Variants in PDE4D observed in about 807,000 individuals in gnomAD.
PDE4D encodes 3',5'-cyclic-AMP phosphodiesterase 4D.
In PDE4D, 24 loss-of-function variants were observed where a neutral mutation model predicts 87.4. That is an observed-to-expected ratio of 0.27 (90% CI 0.20 to 0.39). PDE4D has a LOEUF of 0.39. Among genes scored for constraint, PDE4D ranks in the 10% least tolerant of loss-of-function variants. The pLI is 1.00. For missense variants in PDE4D, 714 were observed against 1,041.0 expected, an observed-to-expected ratio of 0.69 and a Z score of 4.32; for synonymous variants, 384 against 383.2, an observed-to-expected ratio of 1.00 and a Z score of -0.02.
chr5:59,570,028 T>C (rs140525449), intron 1 of PDE4D, among the ~76,000 whole-genome samples: 1 of 152,244 alleles, frequency 6.6e-6, no homozygotes, highest in Non-Finnish European at 1.5e-5. Flanking sequence ...TATCTGTGAT[T>C]ACCGTGAATG....
intron 1 of PDE4D, among the ~76,000 whole-genome samples, chr5:59,698,618 TTATTTA>T (rs1224964859): frequency 2.6e-5 from 4 of 152,144 alleles, no homozygotes; most frequent in Non-Finnish European, 4.4e-5. Flanking sequence ...TTTTTTCTAT[TTATTTA>T]TTTATTTGAG....
intron 2 of PDE4D, among the ~76,000 whole-genome samples, chr5:60,110,302 A>G (rs1418109880): frequency 2.0e-5 from 3 of 152,140 alleles, no homozygotes; most frequent in Non-Finnish European, 2.9e-5. Flanking sequence ...CAGAATATAC[A>G]AGGAACTCAA....
intron 5 of PDE4D, among the ~76,000 whole-genome samples, chr5:59,080,555 A>G (rs555133001): frequency 6.6e-6 from 1 of 152,238 alleles, no homozygotes; most frequent in Non-Finnish European, 1.5e-5. Flanking sequence ...GCCACTCGCT[A>G]CTCAAAAACT....
At position 60,109,700 on chromosome 5, in the gene PDE4D, C is replaced by T. The variant is rs146259580; in HGVS notation, c.42+75857G>A. On this transcript the variant is annotated intron_variant, in intron 2 of 16. Transcript: ENST00000502484. ...GCAGACATAAAAAATGATGAGTTCA[C>T]GTCCTTTGTAGGGACAAGGATGAAA... 1.1e-3 allele frequency among the ~76,000 whole-genome samples: 164 copies of T among 152,150 alleles called. 1 individual carries two copies. The East Asian group carries it at 0.018, about 17-fold the overall frequency.
chr5:59,328,874 ACTTTCTGG>A (rs1776197513), intron 1 of PDE4D, among the ~76,000 whole-genome samples: 1 of 152,196 alleles, frequency 6.6e-6, no homozygotes, highest in Non-Finnish European at 1.5e-5. Flanking sequence ...TTTGCCAAAT[ACTTTCTGG>A]CAGCTCATAA....
At chr5:59,628,859 T>C (rs561241004) in intron 1 of PDE4D, among the ~76,000 whole-genome samples, 9 of 152,270 alleles carry the variant, frequency 5.9e-5, no homozygotes, top group Admixed American at 4.6e-4. Context: ...TGATTTATAA[T>C]GGAAAGAGGT....
chr5:60,509,051 C>A (rs963377491), intron 1 of PDE4D, among the ~76,000 whole-genome samples: 2 of 152,088 alleles, frequency 1.3e-5, no homozygotes, highest in Non-Finnish European at 2.9e-5. Context: ...AGGTGCACAC[C>A]ACCAGGCCCA....
intron 1 of PDE4D, among the ~76,000 whole-genome samples, chr5:60,350,378 C>G (rs558000833): frequency 6.6e-6 from 1 of 152,258 alleles, no homozygotes; most frequent in African/African-American, 2.4e-5. Flanking sequence ...TACATCCTTT[C>G]TCATCTCTCC....
intron 1 of PDE4D, among the ~76,000 whole-genome samples, chr5:60,236,339 A>G (rs1419713537): frequency 6.6e-6 from 1 of 151,972 alleles, no homozygotes; most frequent in Non-Finnish European, 1.5e-5. Context: ...TTTGTAAAAC[A>G]AATATTATAG....
chr5:59,042,170 T>C (rs1580474007), intron 5 of PDE4D, among the ~76,000 whole-genome samples: 1 of 152,258 alleles, frequency 6.6e-6, no homozygotes, highest in African/African-American at 2.4e-5. Flanking sequence ...AGAATTATTC[T>C]TGATATTAGC....
At chr5:59,530,704 T>C (rs1421909834) in intron 1 of PDE4D, among the ~76,000 whole-genome samples, 3 of 152,222 alleles carry the variant, frequency 2.0e-5, no homozygotes, top group Non-Finnish European at 4.4e-5. Context: ...TTCATCAAAA[T>C]TGATGGTGAA....
chr5:60,510,195 A>G (rs1280666938), intron 1 of PDE4D, among the ~76,000 whole-genome samples: 1 of 152,232 alleles, frequency 6.6e-6, no homozygotes, highest in African/African-American at 2.4e-5. Flanking sequence ...GAGAACAGTG[A>G]GACATTCTCT....
intron 1 of PDE4D, among the ~76,000 whole-genome samples, chr5:60,425,458 G>C (rs1022999278): frequency 6.6e-6 from 1 of 152,184 alleles, no homozygotes; most frequent in African/African-American, 2.4e-5. Flanking sequence ...AATAAATGGT[G>C]CTGGGAAAAC....
chr5:59,097,096 C>T (rs903098708), intron 5 of PDE4D, among the ~76,000 whole-genome samples: 5 of 152,128 alleles, frequency 3.3e-5, no homozygotes, highest in Non-Finnish European at 7.3e-5. Context: ...TTCTTAAAAG[C>T]AATTTTCACT....
intron 1 of PDE4D, among the ~76,000 whole-genome samples, chr5:59,631,635 G>T (rs1231318356): frequency 6.6e-6 from 1 of 152,098 alleles, no homozygotes; most frequent in Non-Finnish European, 1.5e-5. Context: ...CACCTGGGAA[G>T]CACAAGGGGC....
chr5:60,066,834 C>CT (rs1443083952), intron 2 of PDE4D, among the ~76,000 whole-genome samples: 1 of 151,952 alleles, frequency 6.6e-6, no homozygotes, highest in Admixed American at 6.6e-5. Flanking sequence ...AACTGTTGTG[C>CT]TTTTATCTAT....
chr5:59,418,455 A>G (rs1171584708), intron 1 of PDE4D, among the ~76,000 whole-genome samples: 2 of 152,142 alleles, frequency 1.3e-5, no homozygotes, highest in East Asian at 3.9e-4. Context: ...ACTGAATGCA[A>G]GCTGCAAGAC....
At chr5:59,331,901 G>A (rs766542549) in intron 1 of PDE4D, among the ~76,000 whole-genome samples, 8 of 152,194 alleles carry the variant, frequency 5.3e-5, no homozygotes, top group Non-Finnish European at 8.8e-5. Flanking sequence ...TTACTTTAGC[G>A]CCAGCTTTTC....
chr5:60,513,779 A>C (rs1033477045), intron 1 of PDE4D, among the ~76,000 whole-genome samples: 1 of 151,988 alleles, frequency 6.6e-6, no homozygotes, highest in East Asian at 1.9e-4. Flanking sequence ...GAACTGAATA[A>C]AAGTGAAAAT....
Sources: allele counts gnomAD v4.1 joint callset (sites outside exome capture counted in the v4.1 genomes callset), GRCh38; gene constraint gnomAD v4.1.1; transcripts MANE v1.5; gene names NCBI Gene and HGNC (gene_info 2026-07-23, HGNC 2026-07-21).